Variants in PDE1A observed in about 807,000 individuals in gnomAD.
PDE1A encodes the protein phosphodiesterase 1A, also known as dual specificity calcium/calmodulin-dependent 3',5'-cyclic nucleotide phosphodiesterase 1A.
PDE1A carries 35 observed loss-of-function variants against 61.7 expected under a neutral mutation model. The observed-to-expected ratio is 0.57, with a 90% CI of 0.43 to 0.75. PDE1A has a LOEUF of 0.75. Among genes scored for constraint, PDE1A ranks in the 30% least tolerant of loss-of-function variants. PDE1A has a pLI of 0.00. For synonymous variants in PDE1A, 232 were observed against 213.2 expected (o/e 1.09, Z -0.77); for missense variants, 597 against 630.6 (o/e 0.95, Z 0.57).
chr2:182,201,290 TAATA>T, intron 10 of PDE1A, 145 bp downstream of exon 10: 2 of 847,852 alleles, frequency 2.4e-6, no homozygotes, highest in Non-Finnish European at 3.7e-6. Flanking sequence ...TCTGATAGAC[TAATA>T]AATTTTGCTG....
chr2:182,340,008 C>T (rs1382431856), intron 1 of PDE1A, among the ~76,000 whole-genome samples: 8 of 152,050 alleles, frequency 5.3e-5, no homozygotes, highest in African/African-American at 1.2e-4. Context: ...GCTCTTGCTG[C>T]GTAGTTTGGG....
At chr2:182,714,033 C>T in the PDE1A span, among the ~76,000 whole-genome samples, 2 of 152,206 alleles carry the variant, frequency 1.3e-5, no homozygotes. Context: ...ACTCTAACTT[C>T]CTTGATGTTT....
chr2:182,217,382 C>A (rs1688284428), intron 7 of PDE1A, among the ~76,000 whole-genome samples: 2 of 57,014 alleles, frequency 3.5e-5, no homozygotes, highest in Non-Finnish European at 7.1e-5. Context: ...TCTAAAACAC[C>A]AAAAGCAATG....
the PDE1A span, among the ~76,000 whole-genome samples, chr2:182,633,641 G>A: frequency 6.6e-6 from 1 of 152,156 alleles, no homozygotes; most frequent in Non-Finnish European, 1.5e-5. Flanking sequence ...TTCTCATTTT[G>A]TTCCCACTCT....
chr2:182,484,040 A>G (rs1400017900), intron 2 of PDE1A, among the ~76,000 whole-genome samples: 1 of 151,892 alleles, frequency 6.6e-6, no homozygotes, highest in African/African-American at 2.4e-5. Context: ...AAAAGATCTA[A>G]ATCACTACAA....
intron 7 of PDE1A, among the ~76,000 whole-genome samples, chr2:182,221,017 T>C (rs933989102): frequency 3.3e-5 from 5 of 151,884 alleles, no homozygotes; most frequent in African/African-American, 1.2e-4. Context: ...TTATACAGAG[T>C]TTTAAAATAT....
At chr2:182,580,985 T>A in the PDE1A span, among the ~76,000 whole-genome samples, 3 of 152,146 alleles carry the variant, frequency 2.0e-5, no homozygotes, top group Non-Finnish European at 4.4e-5. Context: ...CAGTCTGAAA[T>A]ACCTTACCAT....
At chr2:182,688,717 A>G in the PDE1A span, among the ~76,000 whole-genome samples, 1 of 152,206 alleles carries the variant, frequency 6.6e-6, no homozygotes, top group East Asian at 1.9e-4. Flanking sequence ...TGCTCCAATG[A>G]AAAGACACAG....
At chr2:182,415,483 G>T (rs1574601790) in intron 1 of PDE1A, among the ~76,000 whole-genome samples, 1 of 152,196 alleles carries the variant, frequency 6.6e-6, no homozygotes, top group East Asian at 1.9e-4. Flanking sequence ...ATGAAATCCA[G>T]TTCTAGTCTT....
the PDE1A span, among the ~76,000 whole-genome samples, chr2:182,709,201 C>T: frequency 6.6e-6 from 1 of 151,802 alleles, no homozygotes; most frequent in African/African-American, 2.4e-5. Context: ...AAAACCCATA[C>T]TTTCCTTTAA....
At chr2:182,231,111 G>A (rs142773553) in exon 5 of PDE1A, 100 of 1,588,744 alleles carry the variant, frequency 6.3e-5, no homozygotes, top group Admixed American at 3.0e-4. Context: ...CAAATACATC[G>A]AAAGACCATT....
chr2:182,204,813 A>G (rs1686963740), intron 8 of PDE1A, among the ~76,000 whole-genome samples: 1 of 152,174 alleles, frequency 6.6e-6, no homozygotes, highest in South Asian at 2.1e-4. Context: ...TCAAGGGTCA[A>G]CTGTAAAATG....
At chr2:182,486,480 A>G (rs977308485) in intron 2 of PDE1A, among the ~76,000 whole-genome samples, 3 of 152,082 alleles carry the variant, frequency 2.0e-5, no homozygotes, top group African/African-American at 7.2e-5. Flanking sequence ...TAAAGGATCT[A>G]GAATAGCCAG....
chr2:182,326,329 G>C (rs539014930), intron 1 of PDE1A, among the ~76,000 whole-genome samples: 14 of 152,280 alleles, frequency 9.2e-5, no homozygotes, highest in Non-Finnish European at 1.8e-4. Flanking sequence ...GTCCATTGAT[G>C]AATTTGTGGG....
chr2:182,476,105 C>T (rs1158779222), intron 2 of PDE1A, among the ~76,000 whole-genome samples: 1 of 151,720 alleles, frequency 6.6e-6, no homozygotes, highest in Non-Finnish European at 1.5e-5. Flanking sequence ...TATATTGTGA[C>T]CAATTTTCAT....
At chr2:182,656,662 C>A in the PDE1A span, among the ~76,000 whole-genome samples, 1 of 152,174 alleles carries the variant, frequency 6.6e-6, no homozygotes, top group South Asian at 2.1e-4. Context: ...AGCCTATTTG[C>A]AGAAATTCAA....
chr2:182,219,428 G>T (rs1688532089), intron 7 of PDE1A, among the ~76,000 whole-genome samples: 1 of 152,038 alleles, frequency 6.6e-6, no homozygotes, highest in Non-Finnish European at 1.5e-5. Context: ...CTCCTAGGTT[G>T]CCAGATCATT....
chr2:182,413,791 CCTGTGTCTGT>C (rs1392853701), intron 1 of PDE1A, among the ~76,000 whole-genome samples: 3 of 152,068 alleles, frequency 2.0e-5, no homozygotes, highest in Non-Finnish European at 2.9e-5. Flanking sequence ...CTCTTGTAAT[CCTGTGTCTGT>C]GTGTGTCTGT....
the PDE1A span, among the ~76,000 whole-genome samples, chr2:182,703,724 A>G: frequency 6.6e-6 from 1 of 152,180 alleles, no homozygotes; most frequent in Non-Finnish European, 1.5e-5. Flanking sequence ...AGGTCTCCTC[A>G]TCCATGAAAT....
Sources: allele counts gnomAD v4.1 joint callset (sites outside exome capture counted in the v4.1 genomes callset), GRCh38; gene constraint gnomAD v4.1.1; transcripts MANE v1.5; gene names NCBI Gene and HGNC (gene_info 2026-07-23, HGNC 2026-07-21).